PTPRR: variants seen among roughly 807,000 people sequenced by gnomAD.
PTPRR encodes protein tyrosine phosphatase receptor type R.
PTPRR carries 38 observed loss-of-function variants against 77.2 expected under a neutral mutation model. That is an observed-to-expected ratio of 0.49 (90% confidence interval 0.38 to 0.65). PTPRR has a LOEUF of 0.65. PTPRR is among the 30% of genes least tolerant of loss of function. PTPRR has a pLI of 0.00. For synonymous variants in PTPRR, 299 were observed against 283.1 expected, an observed-to-expected ratio of 1.06 and a Z score of -0.57; for missense variants, 744 against 799.2, an observed-to-expected ratio of 0.93 and a Z score of 0.83.
chr12:70,829,630 G>C (rs188095423), intron 2 of PTPRR, among the ~76,000 whole-genome samples: 2 of 152,280 alleles, frequency 1.3e-5, no homozygotes, highest in Admixed American at 6.5e-5. Flanking sequence ...TTATCATCAA[G>C]TCTCTTCTCT....
At chr12:70,758,774 C>G (rs187940780) in intron 4 of PTPRR, among the ~76,000 whole-genome samples, 1 of 152,154 alleles carries the variant, frequency 6.6e-6, no homozygotes, top group East Asian at 1.9e-4. Context: ...AGTGTAGTAA[C>G]TTTATTCATA....
intron 2 of PTPRR, among the ~76,000 whole-genome samples, chr12:70,834,984 C>T (rs1445798054): frequency 1.3e-5 from 2 of 152,020 alleles, no homozygotes; most frequent in African/African-American, 4.8e-5. Flanking sequence ...TTGATACTTA[C>T]CCCTTCTTAC....
chr12:70,757,488 A>G (rs901153520), intron 4 of PTPRR, among the ~76,000 whole-genome samples: 1 of 152,226 alleles, frequency 6.6e-6, no homozygotes, highest in African/African-American at 2.4e-5. Context: ...ATAATGTTCT[A>G]GATATCATAT....
chr12:70,697,129 A>G (rs1018910516), intron 8 of PTPRR, among the ~76,000 whole-genome samples: 15 of 152,196 alleles, frequency 9.9e-5, no homozygotes, highest in African/African-American at 3.1e-4. Flanking sequence ...ATAGCAACTC[A>G]GTTTTATCTT....
Position 70,920,488 on chromosome 12 carries a change from C to A in PTPRR, c.-98G>T. ...CCACCGCCAAGGGTCTTCTAGTCTCCGGGATTCAGGTCCTCGGCTGGGGTT... is the reference window on the plus strand; with the variant it reads ...CCACCGCCAAGGGTCTTCTAGTCTCAGGGATTCAGGTCCTCGGCTGGGGTT... On this transcript the variant is annotated 5_prime_UTR_variant, in exon 1 of 14. Transcript: ENST00000283228. 8.2e-7 allele frequency: 1 copy of A among 1,215,332 alleles called. No homozygotes were observed. Among genetic ancestry groups the A allele is most frequent in the Non-Finnish European group, 1.2e-6 (1 of 850,998 alleles). The allele number at this position is 1,215,332 out of a possible 1,614,324, so 75.3% of individuals were successfully genotyped here. A position where few individuals can be genotyped will look rare whatever the true frequency, so the allele number is the denominator to read the frequency against.
At chr12:70,641,651 T>C (rs909598949) in intron 13 of PTPRR, among the ~76,000 whole-genome samples, 2 of 152,012 alleles carry the variant, frequency 1.3e-5, no homozygotes, top group Non-Finnish European at 2.9e-5. Context: ...ATTTGGAAAA[T>C]AAAAATGAAA....
chr12:70,864,357 C>A (rs1242077042), intron 2 of PTPRR, among the ~76,000 whole-genome samples: 1 of 152,126 alleles, frequency 6.6e-6, no homozygotes, highest in Non-Finnish European at 1.5e-5. Flanking sequence ...GATAGGGAGT[C>A]CTTGGCTTAG....
intron 2 of PTPRR, among the ~76,000 whole-genome samples, chr12:70,890,570 G>A (rs1480002605): frequency 6.6e-6 from 1 of 151,996 alleles, no homozygotes; most frequent in Non-Finnish European, 1.5e-5. Context: ...TACATATAAA[G>A]TTTAGAGGTT....
intron 1 of PTPRR, among the ~76,000 whole-genome samples, chr12:70,912,320 C>G (rs115957299): frequency 0.01 from 1,528 of 152,226 alleles, 30 homozygotes; most frequent in African/African-American, 0.034. Context: ...TAGAGTCTTG[C>G]TCTGTACATA....
intron 1 of PTPRR, among the ~76,000 whole-genome samples, chr12:70,914,961 T>C (rs1284626180): frequency 3.9e-5 from 6 of 152,176 alleles, no homozygotes; most frequent in Admixed American, 3.3e-4. Context: ...TTTTGGAATC[T>C]TTGACGTGCA....
chr12:70,858,967 T>C (rs577794009), intron 2 of PTPRR, among the ~76,000 whole-genome samples: 1 of 151,616 alleles, frequency 6.6e-6, no homozygotes, highest in African/African-American at 2.4e-5. Flanking sequence ...TTTTTTTTTT[T>C]ACATTGGCTC....
chr12:70,873,497 T>C (rs1892996875), intron 2 of PTPRR, among the ~76,000 whole-genome samples: 1 of 152,198 alleles, frequency 6.6e-6, no homozygotes. Context: ...GAAGTCAGCT[T>C]TGTTGAGTCT....
intron 1 of PTPRR, among the ~76,000 whole-genome samples, chr12:70,919,246 A>G (rs981149044): frequency 6.6e-5 from 10 of 152,342 alleles, no homozygotes; most frequent in Non-Finnish European, 1.5e-4. Flanking sequence ...GTATACACTC[A>G]GCAAATGTTG....
chr12:70,920,536 G>A lies in PTPRR; in HGVS notation c.-146C>T, dbSNP rs890868004. The stretch of plus-strand genomic sequence containing the variant: ...GTTTGCAGAGCAGTCAGTCTGTGGC[G>A]CCGACAGAAACCAGCACCAGCTTCA... On this transcript the variant is annotated 5_prime_UTR_variant, in exon 1 of 14. Coordinates refer to ENST00000283228, the MANE Select transcript of PTPRR (RefSeq NM_002849.4). 38 of 705,896 alleles carry A rather than the reference G, an allele frequency of 5.4e-5. No individual in the cohort carries two copies. Among genetic ancestry groups the A allele is most frequent in the Non-Finnish European group, 8.2e-5 (34 of 413,826 alleles). 43.7% of individuals were successfully genotyped at this position (705,896 alleles called of 1,614,324 possible). A position where few individuals can be genotyped will look rare whatever the true frequency, so the allele number is the denominator to read the frequency against.
chr12:70,653,476 G>C (rs565963379), intron 13 of PTPRR, among the ~76,000 whole-genome samples: 1 of 152,224 alleles, frequency 6.6e-6, no homozygotes, highest in East Asian at 1.9e-4. Context: ...CAGGATTGGG[G>C]GGTAAAGAGA....
chr12:70,754,326 G>A (rs1183680151), intron 4 of PTPRR, 25 bp from the exon 5 acceptor site: 16 of 1,610,952 alleles, frequency 9.9e-6, no homozygotes, highest in East Asian at 2.2e-5. Flanking sequence ...CAGAAAGTCC[G>A]ACGTTAAATG....
intron 13 of PTPRR, among the ~76,000 whole-genome samples, chr12:70,640,670 T>C (rs564532446): frequency 2.6e-5 from 4 of 152,350 alleles, no homozygotes; most frequent in African/African-American, 9.6e-5. Flanking sequence ...GTTAGTATCA[T>C]TCAAAATAAC....
intron 6 of PTPRR, among the ~76,000 whole-genome samples, chr12:70,739,727 A>G (rs933375479): frequency 1.3e-5 from 2 of 152,224 alleles, no homozygotes; most frequent in Non-Finnish European, 2.9e-5. Context: ...GAGAATTTAT[A>G]GGTGTTATAC....
chr12:70,817,951 C>T (rs561005361), intron 2 of PTPRR, among the ~76,000 whole-genome samples: 2 of 152,282 alleles, frequency 1.3e-5, no homozygotes, highest in Middle Eastern at 3.4e-3. Flanking sequence ...CAGCGGCTCA[C>T]GCCTGTAATC....
Sources: gnomAD v4.1 joint callset for allele counts (sites outside exome capture counted in the v4.1 genomes callset) on GRCh38, gnomAD v4.1.1 for gene constraint, MANE v1.5 for transcripts, NCBI Gene and HGNC (gene_info 2026-07-23, HGNC 2026-07-21) for gene names.